The following ONECUT2 variants were observed in gnomAD, a reference collection of about 807,000 sequenced individuals.
The protein encoded by ONECUT2 is one cut homeobox 2, also known as one cut domain family member 2.
Under a neutral mutation model 27.9 loss-of-function variants are expected in ONECUT2, and 10 were observed. The observed-to-expected ratio is 0.36, with a 90% CI of 0.22 to 0.61. The LOEUF (loss-of-function observed/expected upper bound fraction) is 0.61. Ranked by LOEUF, ONECUT2 falls within the 20% of genes least tolerant of loss-of-function variation. The pLI is 0.73. For missense variants in ONECUT2, 686 were observed against 721.0 expected (o/e 0.95, Z 0.56); for synonymous variants, 334 against 315.1 (o/e 1.06, Z -0.64).
rs471382 is a variant in ONECUT2 at position 57,482,475 on chromosome 18, G to A, written c.*5752G>A. The A allele has an allele frequency of 0.91, 138,588 of 152,224 alleles. 64,512 individuals are homozygous for A. The highest frequency in any genetic ancestry group is 1 in the East Asian group (5,182 of 5,182). The allele number at this position is 152,224 out of a possible 1,614,324, so 9.4% of individuals were successfully genotyped here. A position where few individuals can be genotyped will look rare whatever the true frequency, so the allele number is the denominator to read the frequency against. ...TATTGCTAGAGCCCAAGCTTTCCTT[G>A]GAGGTTTTGGAGTTAGGTTGATTGG... On this transcript the variant is annotated 3_prime_UTR_variant, in exon 2 of 2. Transcript: ENST00000491143.
rs1344684388 is a variant in ONECUT2 at position 57,476,582 on chromosome 18, C to T, written c.1374C>T (p.Thr458=). ...GCCCGTCAAAGGAGATGCAGATCAC[C>T]ATTTCCCAGCAGCTGGGCCTGGAGC... ...NKRPSKEMQI[T]ISQQLGLELT... is the part of the protein sequence containing the mutation. Residue 458 remains threonine, a synonymous_variant, in exon 2 of 2, where the codon ACC becomes ACT. Transcript: ENST00000491143. 6.2e-7 allele frequency: 1 copy of T among 1,614,102 alleles called. No homozygotes were observed. The highest frequency in any genetic ancestry group is 8.5e-7 in the Non-Finnish European group (1 of 1,180,050).
chr18:57,437,779 G>A (rs1033527336), intron 1 of ONECUT2, among the ~76,000 whole-genome samples: 3 of 152,260 alleles, frequency 2.0e-5, no homozygotes, highest in Non-Finnish European at 4.4e-5. Flanking sequence ...AGCGTTTGCT[G>A]GGATTTGCCA....
In ONECUT2 at chr18:57,436,939, T is replaced by A. The variant is rs1258505887; in HGVS notation, c.1223T>A (p.Leu408Gln). The change falls in exon 1 of 2, where the codon CTG becomes CAG. Residue 408 changes from leucine (L) to glutamine (Q), a missense_variant. Around this residue, in one of 4 missense-constraint regions of ONECUT2, gnomAD observed 51 missense variants for 41.3 expected, o/e 1.23. Coordinates refer to ENST00000491143, the MANE Select transcript of ONECUT2 (RefSeq NM_004852.3). This position sits in a 1 kb window ranked among gnomAD's most constrained non-coding sequence, Gnocchi z 5.9. Reference protein sequence around the residue: ...PEFQRMSALRLAACKRKEQEP... With the variant: ...PEFQRMSALRQAACKRKEQEP... ...TTCCAGCGCATGTCCGCCTTACGCCTGGCAGGTAAGGCCGGGGCTAGCCAG... is the reference window on the plus strand; with the variant it reads ...TTCCAGCGCATGTCCGCCTTACGCCAGGCAGGTAAGGCCGGGGCTAGCCAG... 1 of 1,596,956 alleles carries A rather than the reference T, an allele frequency of 6.3e-7. No individual in the cohort carries two copies. Among genetic ancestry groups the A allele is most frequent in the South Asian group, 1.1e-5 (1 of 88,752 alleles).
intron 1 of ONECUT2, among the ~76,000 whole-genome samples, chr18:57,452,375 C>T (rs914937732): frequency 4.6e-5 from 7 of 152,160 alleles, no homozygotes; most frequent in Non-Finnish European, 1.0e-4. Flanking sequence ...GAGATCCCCT[C>T]AAGACCCACC....
At chr18:57,467,376 T>G (rs561125190) in intron 1 of ONECUT2, among the ~76,000 whole-genome samples, 104 of 152,080 alleles carry the variant, frequency 6.8e-4, no homozygotes, top group African/African-American at 2.4e-3. Context: ...TTGTTTGTTT[T>G]TTTTCCTAAG....
At chr18:57,475,112 A>C (rs1345013486) in intron 1 of ONECUT2, among the ~76,000 whole-genome samples, 1 of 141,006 alleles carries the variant, frequency 7.1e-6, no homozygotes, top group Non-Finnish European at 1.5e-5. Flanking sequence ...GCTGGAGTGC[A>C]ATGGCATGAT....
intron 1 of ONECUT2, chr18:57,444,492 C>T (rs975886777): frequency 6.6e-6 from 3 of 454,292 alleles, no homozygotes; most frequent in African/African-American, 2.0e-5. Flanking sequence ...TCCCACTCCA[C>T]CCCAGTGCCC....
At chr18:57,457,126 G>T (rs1225041521) in intron 1 of ONECUT2, among the ~76,000 whole-genome samples, 1 of 152,162 alleles carries the variant, frequency 6.6e-6, no homozygotes, top group Non-Finnish European at 1.5e-5. Context: ...TTTCCATAGT[G>T]GCTACATCAT....
chr18:57,472,735 T>C (rs919589264), intron 1 of ONECUT2, among the ~76,000 whole-genome samples: 1 of 152,146 alleles, frequency 6.6e-6, no homozygotes, highest in Non-Finnish European at 1.5e-5. Flanking sequence ...TATATGTATC[T>C]CACACAAAAT....
rs1440347577 is a variant in ONECUT2 at position 57,487,670 on chromosome 18, A to T, written c.*10947A>T. On this transcript the variant is annotated 3_prime_UTR_variant, in exon 2 of 2. Transcript: ENST00000491143. The stretch of plus-strand genomic sequence containing the variant: ...CCAAAACTTCACATGTGCAGCTATC[A>T]TGGCTGTCCCTCCCTAGACTTGGAG... The T allele has an allele frequency of 6.6e-6, 1 of 152,174 alleles. No individual in the cohort carries two copies. The highest frequency in any genetic ancestry group is 1.5e-5 in the Non-Finnish European group (1 of 68,034). 9.4% of individuals were successfully genotyped at this position (152,174 alleles called of 1,614,324 possible).
At chr18:57,452,470 G>A (rs2050235955) in intron 1 of ONECUT2, among the ~76,000 whole-genome samples, 1 of 151,492 alleles carries the variant, frequency 6.6e-6, no homozygotes, top group African/African-American at 2.4e-5. Flanking sequence ...TGTAACACAG[G>A]CTGGAGTGCA....
chr18:57,447,570 G>C (rs1056572621), intron 1 of ONECUT2, among the ~76,000 whole-genome samples: 1 of 152,130 alleles, frequency 6.6e-6, no homozygotes, highest in Non-Finnish European at 1.5e-5. Flanking sequence ...GGGGGGCGGG[G>C]GATTGAACTA....
intron 1 of ONECUT2, among the ~76,000 whole-genome samples, chr18:57,467,718 A>G (rs1430325778): frequency 6.6e-6 from 1 of 152,196 alleles, no homozygotes; most frequent in Non-Finnish European, 1.5e-5. Context: ...AAATCTCCCC[A>G]GGATCTGAGA....
At position 57,435,639 on chromosome 18, in the gene ONECUT2, C is replaced by A; in HGVS notation, c.-78C>A. On this transcript the variant is annotated 5_prime_UTR_variant, in exon 1 of 2. Coordinates refer to ENST00000491143, the MANE Select transcript of ONECUT2 (RefSeq NM_004852.3). ...CCGCGCCCGCCCCCACTCCCGCAGCCGAGCCCCGCCACGCGCGCCTTGCCC... is the reference window on the plus strand; with the variant it reads ...CCGCGCCCGCCCCCACTCCCGCAGCAGAGCCCCGCCACGCGCGCCTTGCCC... The A allele has an allele frequency of 5.0e-6, 5 of 993,510 alleles. No homozygotes were observed. The highest frequency in any genetic ancestry group is 6.0e-6 in the Non-Finnish European group (5 of 833,168). 61.5% of individuals were successfully genotyped at this position (993,510 alleles called of 1,614,324 possible).
intron 1 of ONECUT2, among the ~76,000 whole-genome samples, chr18:57,454,023 C>T (rs1380198737): frequency 6.6e-6 from 1 of 152,128 alleles, no homozygotes; most frequent in Non-Finnish European, 1.5e-5. Context: ...ATTAGCATTC[C>T]ATAAATGCTG....
At chr18:57,439,753 C>G (rs939949753) in intron 1 of ONECUT2, among the ~76,000 whole-genome samples, 101 of 152,300 alleles carry the variant, frequency 6.6e-4, no homozygotes, top group African/African-American at 2.4e-3. Context: ...GCGGCTCGGC[C>G]GGACTCTCAG....
chr18:57,459,048 T>C (rs1435437722), intron 1 of ONECUT2, among the ~76,000 whole-genome samples: 1 of 152,220 alleles, frequency 6.6e-6, no homozygotes, highest in Non-Finnish European at 1.5e-5. Context: ...ATATCCTTGT[T>C]TGGCATTGTT....
At chr18:57,454,531 G>A (rs1239575317) in intron 1 of ONECUT2, among the ~76,000 whole-genome samples, 16 of 152,114 alleles carry the variant, frequency 1.1e-4, no homozygotes, top group East Asian at 1.9e-4. Context: ...AGGTCCTGAC[G>A]TTATCTAGTT....
At chr18:57,465,249 ACCCTCTGGGCTCAATTGTTCT>A (rs1194780795) in intron 1 of ONECUT2, among the ~76,000 whole-genome samples, 1 of 151,922 alleles carries the variant, frequency 6.6e-6, no homozygotes, top group African/African-American at 2.4e-5. Context: ...CACAGTCTCA[ACCCTCTGGGCTCAATTGTTCT>A]CCCTGCTTCA....
Sources: allele counts gnomAD v4.1 joint callset (sites outside exome capture counted in the v4.1 genomes callset), GRCh38; gene constraint gnomAD v4.1.1; regional missense constraint gnomAD v4.1.1; non-coding constraint Gnocchi (gnomAD v3.1); transcripts MANE v1.5; gene names NCBI Gene and HGNC (gene_info 2026-07-23, HGNC 2026-07-21).